STRBP: variants seen among roughly 807,000 people sequenced by gnomAD.
STRBP encodes the protein spermatid perinuclear RNA-binding protein.
Under a neutral mutation model 80.1 loss-of-function variants are expected in STRBP, and 13 were observed. The observed-to-expected ratio is 0.16, with a 90% confidence interval of 0.11 to 0.26. The LOEUF (loss-of-function observed/expected upper bound fraction) is 0.26. Ranked by LOEUF, STRBP falls within the 10% of genes least tolerant of loss-of-function variation. The pLI, the probability that STRBP is intolerant of heterozygous loss-of-function variation, is 1.00. For synonymous variants in STRBP, 284 were observed against 291.2 expected (o/e 0.98, Z 0.25); for missense variants, 485 against 815.2 (o/e 0.59, Z 4.93).
Position 123,125,431 on chromosome 9 carries a change from A to G in STRBP, c.*166T>C. ...GTTTCTTTTTTTTTTTTCAAGTTTTAGAGAACTAAATTTGCATTTGTTAAA... is the reference window on the plus strand; with the variant it reads ...GTTTCTTTTTTTTTTTTCAAGTTTTGGAGAACTAAATTTGCATTTGTTAAA... On this transcript the variant is annotated 3_prime_UTR_variant, in exon 19 of 19. Coordinates refer to ENST00000348403, the MANE Select transcript of STRBP (RefSeq NM_018387.5). The G allele has an allele frequency of 8.1e-7, 1 of 1,230,082 alleles. No individual in the cohort carries two copies. Among genetic ancestry groups the G allele is most frequent in the East Asian group, 3.5e-5 (1 of 28,844 alleles). 76.2% of individuals were successfully genotyped at this position (1,230,082 alleles called of 1,614,324 possible).
At chr9:123,206,732 G>A (rs936177616) in intron 2 of STRBP, among the ~76,000 whole-genome samples, 3 of 151,702 alleles carry the variant, frequency 2.0e-5, no homozygotes, top group East Asian at 1.9e-4. Flanking sequence ...TCCGCCTCCC[G>A]GGTCCAAGTG....
Position 123,122,197 on chromosome 9 carries a change from G to T in STRBP, c.*3400C>A, listed in dbSNP as rs761380081. ...TCAGAAAATAAAAGAGCTTACCTTT[G>T]TATACTGAGATCACAGCTTACAGTC... On this transcript the variant is annotated 3_prime_UTR_variant, in exon 19 of 19. Coordinates refer to ENST00000348403, the MANE Select transcript of STRBP (RefSeq NM_018387.5). 4.8e-6 allele frequency: 3 copies of T among 619,374 alleles called. No individual in the cohort carries two copies. The highest frequency in any genetic ancestry group is 7.3e-6 in the Non-Finnish European group (3 of 412,556). 38.4% of individuals were successfully genotyped at this position (619,374 alleles called of 1,614,324 possible).
At chr9:123,114,947 C>G in intron 3 of STRBP, 1 of 340,816 alleles carries the variant, frequency 2.9e-6, no homozygotes, top group Middle Eastern at 1.1e-3. Flanking sequence ...ATCAGCCTCC[C>G]TCACGCCTCG....
chr9:123,147,032 G>C lies in STRBP; in HGVS notation c.1161C>G (p.Asp387Glu). 6.2e-7 allele frequency: 1 copy of C among 1,613,862 alleles called. No homozygotes were observed. The highest frequency in any genetic ancestry group is 8.5e-7 in the Non-Finnish European group (1 of 1,179,858). ...TTAGCCTCATTAGTGCATTCATAAG[G>C]TCTATTGCTTTACTATCCAGAACTG... ...LRKILDSKAI[D>E]LMNALMRLNQ... Residue 387 changes from aspartate to glutamate, a missense_variant, in exon 13 of 19, where the codon GAC (aspartate) becomes GAG (glutamate). Transcript: ENST00000348403.
chr9:123,252,010 G>C (rs1366984274), intron 1 of STRBP, among the ~76,000 whole-genome samples: 4 of 151,796 alleles, frequency 2.6e-5, no homozygotes, highest in Admixed American at 2.0e-4. Context: ...CTCATCATTA[G>C]CTTGCATAGC....
intron 2 of STRBP, among the ~76,000 whole-genome samples, chr9:123,207,440 A>G (rs1234785511): frequency 2.6e-5 from 4 of 152,260 alleles, no homozygotes; most frequent in Non-Finnish European, 5.9e-5. Flanking sequence ...ATAAGCTTGA[A>G]AAAACATAAG....
chr9:123,179,214 G>A lies in STRBP; in HGVS notation c.17C>T (p.Ser6Phe). The A allele has an allele frequency of 6.2e-7, 1 of 1,605,410 alleles. No homozygotes were observed. The highest frequency in any genetic ancestry group is 8.5e-7 in the Non-Finnish European group (1 of 1,172,770). ...AACATGGCGATCATCATTAGCAAAA[G>A]ATCGAATAGATCTCTGTTAGAAGGA... is the stretch of plus-strand genomic sequence containing the variant. MRSIRSFANDDRHVMV... is the reference protein window; with the variant it reads MRSIRFFANDDRHVMV... Residue 6 changes from serine (S) to phenylalanine (F), a missense_variant, in exon 4 of 19, where the codon TCT becomes TTT. Around this residue, in one of 3 missense-constraint regions of STRBP, gnomAD observed 377 missense variants for 616.1 expected, o/e 0.61. Coordinates refer to ENST00000348403, the MANE Select transcript of STRBP (RefSeq NM_018387.5).
chr9:123,233,652 A>G (rs2040460221), intron 2 of STRBP, among the ~76,000 whole-genome samples: 1 of 152,232 alleles, frequency 6.6e-6, no homozygotes, highest in Non-Finnish European at 1.5e-5. Context: ...AACTTTTTGC[A>G]TGTTTAAGCT....
downstream of STRBP, among the ~76,000 whole-genome samples, chr9:123,118,719 C>T (rs1017748420): frequency 6.6e-6 from 1 of 152,222 alleles, no homozygotes; most frequent in Non-Finnish European, 1.5e-5. Flanking sequence ...AGGTAACACT[C>T]AGTCCTTGTC....
At chr9:123,232,335 T>C (rs1172414662) in intron 2 of STRBP, among the ~76,000 whole-genome samples, 1 of 151,992 alleles carries the variant, frequency 6.6e-6, no homozygotes, top group Non-Finnish European at 1.5e-5. Context: ...AAAAAAACCT[T>C]AGCCGACAAT....
At chr9:123,170,661 C>G (rs192008332) in intron 5 of STRBP, among the ~76,000 whole-genome samples, 2 of 152,324 alleles carry the variant, frequency 1.3e-5, no homozygotes, top group Admixed American at 1.3e-4. Flanking sequence ...TGGGTCAAGT[C>G]ATCTGACATC....
At chr9:123,200,417 G>A (rs922722510) in intron 2 of STRBP, among the ~76,000 whole-genome samples, 1 of 152,074 alleles carries the variant, frequency 6.6e-6, no homozygotes, top group African/African-American at 2.4e-5. Context: ...TAATTAGGGT[G>A]ATACTGGTTT....
At chr9:123,210,836 A>G (rs2039683560) in intron 2 of STRBP, among the ~76,000 whole-genome samples, 1 of 152,064 alleles carries the variant, frequency 6.6e-6, no homozygotes, top group Non-Finnish European at 1.5e-5. Context: ...TTCAAAAAAA[A>G]AAAAAGATCA....
chr9:123,264,482 G>C, intron 1 of STRBP, among the ~76,000 whole-genome samples: 1 of 152,196 alleles, frequency 6.6e-6, no homozygotes, highest in East Asian at 1.9e-4. Context: ...CATTTGACCA[G>C]TCTAAAAACC....
intron 2 of STRBP, among the ~76,000 whole-genome samples, chr9:123,185,562 G>C (rs191139509): frequency 6.6e-5 from 10 of 152,072 alleles, no homozygotes; most frequent in Admixed American, 1.3e-4. Context: ...CACAGTAAGA[G>C]ATATCTCAAA....
At chr9:123,170,906 C>T (rs1417547352) in intron 5 of STRBP, among the ~76,000 whole-genome samples, 1 of 152,006 alleles carries the variant, frequency 6.6e-6, no homozygotes, top group Non-Finnish European at 1.5e-5. Flanking sequence ...AGGGACACTA[C>T]CAAGTCCCTG....
Position 123,146,989 on chromosome 9 carries a change from G to A in STRBP, c.1204C>T (p.Leu402Phe). The change falls in exon 13 of 19, where the codon CTT becomes TTT. Residue 402 changes from leucine (L) to phenylalanine (F), a missense_variant. Around this residue, in one of 3 missense-constraint regions of STRBP, gnomAD observed 377 missense variants for 616.1 expected, o/e 0.61. Coordinates refer to ENST00000348403, the MANE Select transcript of STRBP (RefSeq NM_018387.5). ...LMRLNQIRPGLQYKLLSQSGP... is the reference protein window; with the variant it reads ...LMRLNQIRPGFQYKLLSQSGP... ...GACTGAGATAGGAGCTTATACTGAAGCCCAGGCCTGATCTGATTTAGCCTC... is the reference window on the plus strand; with the variant it reads ...GACTGAGATAGGAGCTTATACTGAAACCCAGGCCTGATCTGATTTAGCCTC... 6.2e-7 allele frequency: 1 copy of A among 1,614,052 alleles called. No individual in the cohort carries two copies. Among genetic ancestry groups the A allele is most frequent in the Non-Finnish European group, 8.5e-7 (1 of 1,179,972 alleles).
In STRBP at chr9:123,128,243, T is replaced by A; in HGVS notation, c.1913A>T (p.Tyr638Phe). The A allele has an allele frequency of 6.2e-7, 1 of 1,614,196 alleles. No homozygotes were observed. The change falls in exon 18 of 19, where the codon TAT becomes TTT. Residue 638 changes from tyrosine to phenylalanine, a missense_variant. Tyr to Phe is a conservative substitution (Grantham distance 22). Coordinates refer to ENST00000348403, the MANE Select transcript of STRBP (RefSeq NM_018387.5). ...GYIAPGYGTP[Y>F]GYSTAAPAYG... ...GGCAGGGGCAGCTGTGCTGTAACCA[T>A]ATGGTGTTCCATAGCCTAGTGCAAA...
Position 123,122,639 on chromosome 9 carries a change from T to C in STRBP, c.*2958A>G, listed in dbSNP as rs1301166225. The C allele has an allele frequency of 1.9e-6, 2 of 1,042,552 alleles. No homozygotes were observed. The highest frequency in any genetic ancestry group is 1.7e-5 in the African/African-American group (1 of 58,180). 64.6% of individuals were successfully genotyped at this position (1,042,552 alleles called of 1,614,324 possible). On this transcript the variant is annotated 3_prime_UTR_variant, in exon 19 of 19. Coordinates refer to ENST00000348403, the MANE Select transcript of STRBP (RefSeq NM_018387.5). Reference sequence around the variant, plus strand: ...TGGACCAATTACCTTGCACAAGAGATGGGGTACTCCTGCAGCCTGAAGAAA... The same window carrying C: ...TGGACCAATTACCTTGCACAAGAGACGGGGTACTCCTGCAGCCTGAAGAAA...
Sources: allele counts gnomAD v4.1 joint callset (sites outside exome capture counted in the v4.1 genomes callset), GRCh38; gene constraint gnomAD v4.1.1; regional missense constraint gnomAD v4.1.1; transcripts MANE v1.5; gene names NCBI Gene and HGNC (gene_info 2026-07-23, HGNC 2026-07-21).